Variants in KCNB2 observed in about 807,000 individuals in gnomAD.
KCNB2 encodes the protein potassium voltage-gated channel subfamily B member 2.
Under a neutral mutation model 61.5 loss-of-function variants are expected in KCNB2, and 15 were observed. That is an observed-to-expected ratio of 0.24 (90% CI 0.16 to 0.38). KCNB2 has a LOEUF of 0.38. Among genes scored for constraint, KCNB2 ranks in the 10% least tolerant of loss-of-function variants. The pLI is 1.00. For missense variants in KCNB2, 828 were observed against 1,125.2 expected, an observed-to-expected ratio of 0.74 and a Z score of 3.78; for synonymous variants, 457 against 446.0, an observed-to-expected ratio of 1.02 and a Z score of -0.31.
At chr8:72,569,996 A>G (rs945976203) in intron 2 of KCNB2, among the ~76,000 whole-genome samples, 4 of 152,148 alleles carry the variant, frequency 2.6e-5, no homozygotes, top group East Asian at 1.9e-4. Flanking sequence ...AATTTAAGAT[A>G]TATGTATATT....
intron 2 of KCNB2, among the ~76,000 whole-genome samples, chr8:72,710,786 G>T (rs951636489): frequency 6.6e-6 from 1 of 152,140 alleles, no homozygotes; most frequent in Non-Finnish European, 1.5e-5. Context: ...AAAATCTCTA[G>T]ATACTTTAGA....
chr8:72,638,687 C>T (rs1806007253), intron 2 of KCNB2, among the ~76,000 whole-genome samples: 1 of 152,094 alleles, frequency 6.6e-6, no homozygotes, highest in East Asian at 1.9e-4. Context: ...TCAATCAAGT[C>T]CTACTCTTTT....
At chr8:72,746,141 A>G (rs898806362) in intron 2 of KCNB2, among the ~76,000 whole-genome samples, 1 of 152,154 alleles carries the variant, frequency 6.6e-6, no homozygotes, top group Non-Finnish European at 1.5e-5. Flanking sequence ...GCATCATTAT[A>G]AAGTACTACA....
At chr8:72,759,868 C>T (rs1041345930) in intron 2 of KCNB2, among the ~76,000 whole-genome samples, 1 of 152,094 alleles carries the variant, frequency 6.6e-6, no homozygotes, top group African/African-American at 2.4e-5. Context: ...GACTGGATAG[C>T]TGAATGAGAT....
At chr8:72,746,667 C>T (rs1288300068) in intron 2 of KCNB2, among the ~76,000 whole-genome samples, 1 of 152,136 alleles carries the variant, frequency 6.6e-6, no homozygotes, top group Non-Finnish European at 1.5e-5. Flanking sequence ...TAAGGTACAG[C>T]CTCAGAATGA....
intron 1 of KCNB2, among the ~76,000 whole-genome samples, chr8:72,560,291 T>C (rs1025252565): frequency 1.3e-5 from 2 of 152,240 alleles, no homozygotes; most frequent in African/African-American, 2.4e-5. Flanking sequence ...CCAAATTTCA[T>C]GAACATTTCC....
At chr8:72,931,984 G>T (rs932421600) in intron 2 of KCNB2, among the ~76,000 whole-genome samples, 2 of 151,802 alleles carry the variant, frequency 1.3e-5, no homozygotes, top group East Asian at 3.9e-4. Context: ...CTGCACTCCA[G>T]CCTGGGCAAC....
chr8:72,837,329 A>T (rs570504856), intron 2 of KCNB2, among the ~76,000 whole-genome samples: 36 of 152,318 alleles, frequency 2.4e-4, no homozygotes, highest in Non-Finnish European at 4.3e-4. Flanking sequence ...CTGAACTACC[A>T]TTATGTCCAT....
chr8:72,546,825 A>C (rs565983431), intron 1 of KCNB2, among the ~76,000 whole-genome samples: 1 of 152,104 alleles, frequency 6.6e-6, no homozygotes, highest in Non-Finnish European at 1.5e-5. Context: ...TTCTTTAATT[A>C]AAAAAAGACA....
chr8:72,678,378 T>C (rs1207523262), intron 2 of KCNB2, among the ~76,000 whole-genome samples: 6 of 152,202 alleles, frequency 3.9e-5, no homozygotes, highest in Admixed American at 3.9e-4. Context: ...CAGGTCCTCA[T>C]AGAGTCCTGC....
At chr8:72,547,972 C>T (rs1806284714) in intron 1 of KCNB2, among the ~76,000 whole-genome samples, 1 of 151,966 alleles carries the variant, frequency 6.6e-6, no homozygotes, top group South Asian at 2.1e-4. Flanking sequence ...CACAGCCACC[C>T]AAATCGTCAG....
intron 2 of KCNB2, among the ~76,000 whole-genome samples, chr8:72,836,559 G>A (rs1809785369): frequency 6.6e-6 from 1 of 152,154 alleles, no homozygotes. Flanking sequence ...AAGAGTAGAA[G>A]GTTGCTCCAT....
chr8:72,914,267 G>A (rs897409461), intron 2 of KCNB2, among the ~76,000 whole-genome samples: 4 of 152,120 alleles, frequency 2.6e-5, no homozygotes, highest in Non-Finnish European at 4.4e-5. Flanking sequence ...TCACCTTGGG[G>A]CTTATGATTG....
intron 2 of KCNB2, among the ~76,000 whole-genome samples, chr8:72,651,888 C>G (rs142008269): frequency 1.3e-5 from 2 of 152,048 alleles, no homozygotes; most frequent in African/African-American, 4.8e-5. Context: ...AAAGATGAAC[C>G]CTTGAGTCCA....
At chr8:72,618,001 T>C (rs2128983956) in intron 2 of KCNB2, among the ~76,000 whole-genome samples, 1 of 152,274 alleles carries the variant, frequency 6.6e-6, no homozygotes, top group East Asian at 1.9e-4. Flanking sequence ...ATCTGGAGTC[T>C]TTCATTATGC....
At chr8:72,816,986 A>T (rs762815977) in intron 2 of KCNB2, among the ~76,000 whole-genome samples, 2 of 152,182 alleles carry the variant, frequency 1.3e-5, no homozygotes, top group Non-Finnish European at 2.9e-5. Context: ...CTGCAATGAA[A>T]AGATCATTGA....
intron 2 of KCNB2, among the ~76,000 whole-genome samples, chr8:72,754,930 G>T (rs1232736622): frequency 2.0e-5 from 3 of 152,070 alleles, no homozygotes; most frequent in African/African-American, 7.2e-5. Flanking sequence ...CTATGGAAAG[G>T]GGGAGGGATA....
intron 2 of KCNB2, among the ~76,000 whole-genome samples, chr8:72,718,816 T>C (rs1446629824): frequency 1.3e-5 from 2 of 152,030 alleles, no homozygotes; most frequent in Non-Finnish European, 2.9e-5. Context: ...AGCATAATAA[T>C]AATAAAATAA....
intron 2 of KCNB2, among the ~76,000 whole-genome samples, chr8:72,577,173 A>G (rs1337820079): frequency 1.3e-5 from 2 of 152,204 alleles, no homozygotes; most frequent in South Asian, 2.1e-4. Context: ...TACTAAGGAC[A>G]GGTACCTGAA....
Sources: allele counts gnomAD v4.1 joint callset (sites outside exome capture counted in the v4.1 genomes callset), GRCh38; gene constraint gnomAD v4.1.1; transcripts MANE v1.5; gene names NCBI Gene and HGNC (gene_info 2026-07-23, HGNC 2026-07-21).